The following HTT-AS variants were observed in gnomAD, a reference collection of about 807,000 sequenced individuals.
HTT-AS encodes HTT antisense RNA (head to head).
upstream of HTT-AS, chr4:3,074,572 A>C: frequency 2.8e-6 from 1 of 361,770 alleles, no homozygotes. Context: ...AGCCATTGGC[A>C]GAGTCCGCAG....
chr4:3,050,015 G>A (rs1009701955), intron 2 of HTT-AS, among the ~76,000 whole-genome samples: 3 of 147,430 alleles, frequency 2.0e-5, no homozygotes, highest in African/African-American at 5.1e-5. Context: ...GTGCAATCTC[G>A]GCTCACTCCA....
chr4:3,061,050 C>T (rs1711916927), intron 2 of HTT-AS, among the ~76,000 whole-genome samples: 1 of 152,208 alleles, frequency 6.6e-6, no homozygotes, highest in African/African-American at 2.4e-5. Context: ...TAAAGCTCCA[C>T]TCTTAACCCC....
chr4:3,073,865 G>C (rs950992413), intron 1 of HTT-AS, among the ~76,000 whole-genome samples: 1 of 152,176 alleles, frequency 6.6e-6, no homozygotes, highest in Admixed American at 6.5e-5. Context: ...GGTGAGTATG[G>C]CTCTGGCCAC....
At chr4:3,059,120 G>T (rs1430546047) in intron 2 of HTT-AS, among the ~76,000 whole-genome samples, 1 of 152,166 alleles carries the variant, frequency 6.6e-6, no homozygotes, top group Non-Finnish European at 1.5e-5. Context: ...AGCATAGTAG[G>T]TAGGCAGACT....
At chr4:3,057,834 AG>A (rs1239233221) in intron 2 of HTT-AS, among the ~76,000 whole-genome samples, 1 of 151,438 alleles carries the variant, frequency 6.6e-6, no homozygotes, top group Non-Finnish European at 1.5e-5. Flanking sequence ...CATGTTAGCC[AG>A]GATGGTCTCA....
exon 2 of HTT-AS, among the ~76,000 whole-genome samples, chr4:3,062,689 G>C (rs1711956998): frequency 6.6e-6 from 1 of 151,868 alleles, no homozygotes; most frequent in African/African-American, 2.4e-5. Context: ...GTGCACTGCT[G>C]AGGGTAAGTG....
exon 3 of HTT-AS, among the ~76,000 whole-genome samples, chr4:3,049,402 T>C (rs1263308): frequency 0.57 from 86,398 of 151,492 alleles, 25,013 homozygotes; most frequent in South Asian, 0.73. Flanking sequence ...CCAGCCTGGG[T>C]GACAGAGCAA....
chr4:3,052,442 C>T (rs1171925357), intron 2 of HTT-AS, among the ~76,000 whole-genome samples: 2 of 152,094 alleles, frequency 1.3e-5, no homozygotes, highest in Non-Finnish European at 1.5e-5. Context: ...CCAGAGACCC[C>T]GTTTTGGGAA....
At chr4:3,053,840 C>T (rs538770983) in intron 2 of HTT-AS, among the ~76,000 whole-genome samples, 158 of 149,570 alleles carry the variant, frequency 1.1e-3, no homozygotes, top group African/African-American at 3.6e-3. Context: ...CTCACTACAA[C>T]GTCTGCCTCT....
chr4:3,064,846 T>C (rs1249759797), intron 1 of HTT-AS, among the ~76,000 whole-genome samples: 2 of 151,572 alleles, frequency 1.3e-5, no homozygotes, highest in Admixed American at 6.6e-5. Flanking sequence ...AAAGACCTTA[T>C]ACAAAACTTC....
At chr4:3,056,959 T>C (rs1255375124) in intron 2 of HTT-AS, among the ~76,000 whole-genome samples, 1 of 152,156 alleles carries the variant, frequency 6.6e-6, no homozygotes, top group African/African-American at 2.4e-5. Flanking sequence ...TGCCCTCTGT[T>C]TTTATGAATT....
intron 2 of HTT-AS, among the ~76,000 whole-genome samples, chr4:3,050,670 A>G (rs925011404): frequency 4.6e-5 from 7 of 152,196 alleles, no homozygotes; most frequent in African/African-American, 7.2e-5. Flanking sequence ...CAGTAACTTA[A>G]CCATAATTAT....
intron 2 of HTT-AS, among the ~76,000 whole-genome samples, chr4:3,052,095 G>A (rs1033654959): frequency 1.3e-5 from 2 of 152,174 alleles, no homozygotes; most frequent in Admixed American, 6.5e-5. Flanking sequence ...TCTGGGAAGG[G>A]CAATGGAGAC....
chr4:3,051,231 A>T (rs1165662679), intron 2 of HTT-AS, among the ~76,000 whole-genome samples: 1 of 151,934 alleles, frequency 6.6e-6, no homozygotes, highest in African/African-American at 2.4e-5. Flanking sequence ...ATGCCCAGCT[A>T]ATTTTGTATT....
chr4:3,055,920 C>A (rs545089800), intron 2 of HTT-AS, among the ~76,000 whole-genome samples: 101 of 152,152 alleles, frequency 6.6e-4, no homozygotes, highest in Admixed American at 1.4e-3. Flanking sequence ...GGTTAATTAC[C>A]GTATCAAATC....
chr4:3,051,894 A>AC (rs1479421839), intron 2 of HTT-AS, among the ~76,000 whole-genome samples: 1 of 152,014 alleles, frequency 6.6e-6, no homozygotes, highest in Non-Finnish European at 1.5e-5. Flanking sequence ...TGAAACAAAC[A>AC]AAAAAACTAG....
At chr4:3,061,057 C>T (rs1007726954) in intron 2 of HTT-AS, among the ~76,000 whole-genome samples, 1 of 152,190 alleles carries the variant, frequency 6.6e-6, no homozygotes, top group Admixed American at 6.5e-5. Flanking sequence ...CCACTCTTAA[C>T]CCCACTCCGT....
At chr4:3,060,103 C>G (rs1711898277) in intron 2 of HTT-AS, among the ~76,000 whole-genome samples, 2 of 152,080 alleles carry the variant, frequency 1.3e-5, no homozygotes, top group Non-Finnish European at 2.9e-5. Context: ...TACAGTAATG[C>G]CCTGTGCGTA....
At chr4:3,056,677 C>T (rs1208768771) in intron 2 of HTT-AS, among the ~76,000 whole-genome samples, 4 of 152,186 alleles carry the variant, frequency 2.6e-5, no homozygotes, top group African/African-American at 9.7e-5. Flanking sequence ...GCAGTTTTCA[C>T]CAAAAATCAG....
Sources: allele counts gnomAD v4.1 joint callset (sites outside exome capture counted in the v4.1 genomes callset), GRCh38; gene constraint gnomAD v4.1.1; transcripts MANE v1.5; gene names NCBI Gene and HGNC (gene_info 2026-07-23, HGNC 2026-07-21).